Variants in CDIN1 observed in about 807,000 individuals in gnomAD.
The protein encoded by CDIN1 is CDAN1 interacting nuclease 1.
Under a neutral mutation model 45.3 loss-of-function variants are expected in CDIN1, and 33 were observed. The observed-to-expected ratio is 0.73, with a 90% confidence interval of 0.55 to 0.97. The LOEUF is 0.97. Among genes scored for constraint, CDIN1 ranks in the 50% least tolerant of loss-of-function variants. CDIN1 has a pLI of 0.00. For missense variants in CDIN1, 303 were observed against 339.4 expected (o/e 0.89, Z 0.84); for synonymous variants, 118 against 124.4 (o/e 0.95, Z 0.34).
intron 10 of CDIN1, chr15:36,799,233 TAAGTA>T (rs1418897984): frequency 3.3e-4 from 3 of 9,000 alleles, no homozygotes; most frequent in Non-Finnish European, 7.5e-4. Context: ...TTTTAGTACT[TAAGTA>T]AGTAAGTGTT....
chr15:36,713,111 C>G (rs931742244), intron 10 of CDIN1, among the ~76,000 whole-genome samples: 1 of 152,160 alleles, frequency 6.6e-6, no homozygotes, highest in Non-Finnish European at 1.5e-5. Flanking sequence ...TATATGGTCT[C>G]TAATGTGTGA....
At chr15:36,616,835 G>T (rs953766186) in intron 1 of CDIN1, among the ~76,000 whole-genome samples, 7 of 152,084 alleles carry the variant, frequency 4.6e-5, no homozygotes, top group Non-Finnish European at 8.8e-5. Context: ...TGAGGCAGGA[G>T]ACTTGCTTGG....
chr15:36,582,648 GAGGGTCTC>G (rs1207432015), intron 1 of CDIN1, among the ~76,000 whole-genome samples: 3 of 152,176 alleles, frequency 2.0e-5, no homozygotes, highest in African/African-American at 7.2e-5. Flanking sequence ...AGACCTGTGA[GAGGGTCTC>G]AGGGACTCCA....
At chr15:36,586,275 T>C (rs966285329) in intron 1 of CDIN1, among the ~76,000 whole-genome samples, 2 of 151,840 alleles carry the variant, frequency 1.3e-5, no homozygotes, top group Non-Finnish European at 2.9e-5. Context: ...GGGATATACT[T>C]TGAGACTATG....
At chr15:36,629,400 A>G (rs1386690370) in intron 1 of CDIN1, among the ~76,000 whole-genome samples, 1 of 152,214 alleles carries the variant, frequency 6.6e-6, no homozygotes, top group East Asian at 1.9e-4. Flanking sequence ...AAAAACTTAC[A>G]ATATTATTTG....
At chr15:36,744,184 T>C (rs932504756) in intron 10 of CDIN1, among the ~76,000 whole-genome samples, 3 of 152,170 alleles carry the variant, frequency 2.0e-5, no homozygotes, top group Admixed American at 6.5e-5. Flanking sequence ...GAGCAACATC[T>C]GCTTCAGTGG....
chr15:36,754,276 ACT>A (rs756039620), intron 10 of CDIN1, among the ~76,000 whole-genome samples: 49 of 152,238 alleles, frequency 3.2e-4, no homozygotes, highest in Middle Eastern at 6.8e-3. Flanking sequence ...TGGAAAGTAC[ACT>A]ATTTCACTAC....
At chr15:36,778,696 A>G (rs1233727058) in intron 10 of CDIN1, among the ~76,000 whole-genome samples, 1 of 152,124 alleles carries the variant, frequency 6.6e-6, no homozygotes, top group Non-Finnish European at 1.5e-5. Context: ...AGAAAGTTGT[A>G]TTTTTAGCTA....
At chr15:36,749,429 G>T (rs1012083457) in intron 10 of CDIN1, among the ~76,000 whole-genome samples, 1 of 152,158 alleles carries the variant, frequency 6.6e-6, no homozygotes, top group East Asian at 1.9e-4. Flanking sequence ...CTGGAGATAT[G>T]TGGCCCATGT....
chr15:36,793,613 C>A (rs1347781360), intron 10 of CDIN1, among the ~76,000 whole-genome samples: 1 of 152,198 alleles, frequency 6.6e-6, no homozygotes, highest in Non-Finnish European at 1.5e-5. Flanking sequence ...TTATCCTGCC[C>A]TTTGGATCCA....
At chr15:36,662,213 A>G (rs1479677187) in intron 5 of CDIN1, among the ~76,000 whole-genome samples, 1 of 152,152 alleles carries the variant, frequency 6.6e-6, no homozygotes, top group Non-Finnish European at 1.5e-5. Context: ...CATCATTTGA[A>G]ACTGAGCCAT....
intron 10 of CDIN1, among the ~76,000 whole-genome samples, chr15:36,765,461 T>G (rs1373328109): frequency 6.6e-6 from 1 of 152,130 alleles, no homozygotes; most frequent in Non-Finnish European, 1.5e-5. Flanking sequence ...ACCAACACGG[T>G]AGGTGAGATG....
At chr15:36,616,521 A>T (rs2038899721) in intron 1 of CDIN1, among the ~76,000 whole-genome samples, 1 of 151,880 alleles carries the variant, frequency 6.6e-6, no homozygotes, top group South Asian at 2.1e-4. Flanking sequence ...ACCTCAGGTG[A>T]TCCACCCGCC....
At chr15:36,764,268 A>T (rs2053853999) in intron 10 of CDIN1, among the ~76,000 whole-genome samples, 1 of 144,610 alleles carries the variant, frequency 6.9e-6, no homozygotes, top group South Asian at 2.2e-4. Context: ...TAAATGCATA[A>T]TCCTGTAGCA....
rs201835784 is a variant in CDIN1 at position 36,657,860 on chromosome 15, C to T, written c.301C>T (p.Arg101Trp). 121 of 1,611,824 alleles carry T rather than the reference C, an allele frequency of 7.5e-5. No individual in the cohort carries two copies. The highest frequency in any genetic ancestry group is 9.4e-5 in the Non-Finnish European group (111 of 1,179,006). ...GGACTATGCGCCCTCATTAATGGCT[C>T]GGCTTATACTGGAGAGGTTTCTACA... is the stretch of plus-strand genomic sequence containing the variant. ...EVDYAPSLMA[R>W]LILERFLQEH... Residue 101 changes from arginine (R) to tryptophan (W), a missense_variant, in exon 5 of 11, where the codon CGG becomes TGG. Arg to Trp is a moderately radical substitution (Grantham distance 101, BLOSUM62 -3). Transcript: ENST00000566621.
At chr15:36,698,327 A>AT (rs1374631101) in intron 8 of CDIN1, among the ~76,000 whole-genome samples, 5 of 152,204 alleles carry the variant, frequency 3.3e-5, no homozygotes, top group African/African-American at 1.2e-4. Flanking sequence ...GTATTATAAG[A>AT]TTGTTTTAAT....
intron 10 of CDIN1, among the ~76,000 whole-genome samples, chr15:36,796,795 T>A (rs28473072): frequency 0.064 from 9,770 of 152,326 alleles, 1,065 homozygotes; most frequent in African/African-American, 0.22. Context: ...ATCTTGCAGA[T>A]CCAGCATTAA....
chr15:36,613,721 G>C, intron 1 of CDIN1: 3 of 1,554,650 alleles, frequency 1.9e-6, no homozygotes, highest in Non-Finnish European at 2.7e-6. Context: ...GGAAAAAGCT[G>C]CTGATGAGAG....
chr15:36,579,767 C>A lies in CDIN1; in HGVS notation c.-94C>A. 1 of 1,012,894 alleles carries A rather than the reference C, an allele frequency of 9.9e-7. No homozygotes were observed. The highest frequency in any genetic ancestry group is 1.5e-6 in the Non-Finnish European group (1 of 684,942). 62.7% of individuals were successfully genotyped at this position (1,012,894 alleles called of 1,614,324 possible). On this transcript the variant is annotated 5_prime_UTR_variant, in exon 1 of 11. Transcript: ENST00000566621. ...AGCAGGCGAGGACCCGGGCCTGTGC[C>A]GCTTTGCCTACCCCTCATCCCTCGG...
Sources: gnomAD v4.1 joint callset for allele counts (sites outside exome capture counted in the v4.1 genomes callset) on GRCh38, gnomAD v4.1.1 for gene constraint, MANE v1.5 for transcripts, NCBI Gene and HGNC (gene_info 2026-07-23, HGNC 2026-07-21) for gene names.